TNS1: variants seen among roughly 807,000 people sequenced by gnomAD.
TNS1 encodes the protein tensin 1.
Under a neutral mutation model 168.6 loss-of-function variants are expected in TNS1, and 62 were observed. The observed-to-expected ratio is 0.37, with a 90% CI of 0.30 to 0.45. The LOEUF (loss-of-function observed/expected upper bound fraction) is 0.45, where lower values mean the gene tolerates loss of function less well. Ranked by LOEUF, TNS1 falls within the 20% of genes least tolerant of loss-of-function variation. The pLI is 1.00. For missense variants in TNS1, 2,240 were observed against 2,339.4 expected (o/e 0.96, Z 0.88); for synonymous variants, 934 against 933.2 (o/e 1.00, Z -0.02).
chr2:217,821,304 C>A (rs896517482), intron 23 of TNS1, among the ~76,000 whole-genome samples: 29 of 152,172 alleles, frequency 1.9e-4, no homozygotes, highest in Admixed American at 1.5e-3. Context: ...GGTTCCTCTT[C>A]TGAAAAGTGG....
rs1441342196 is a variant in TNS1, at chr2:217,813,651, T to A, written c.4861+34A>T. 1 of 1,581,442 alleles carries A rather than the reference T, an allele frequency of 6.3e-7. No individual in the cohort carries two copies. Among genetic ancestry groups the A allele is most frequent in the Admixed American group, 1.8e-5 (1 of 56,112 alleles). The stretch of plus-strand genomic sequence containing the variant: ...AGGTTTAGCGACTGTAAAGCTCACC[T>A]GGTCCTGAGCCCCATTCTGGGAGAT... On this transcript the variant is annotated intron_variant, in intron 26 of 32. Transcript: ENST00000682258. The surrounding 1 kb of genome is among the most constrained non-coding windows in gnomAD (Gnocchi z 4.0).
At chr2:217,839,866 G>A (rs1199384286) in intron 19 of TNS1, among the ~76,000 whole-genome samples, 1 of 152,238 alleles carries the variant, frequency 6.6e-6, no homozygotes, top group African/African-American at 2.4e-5. Flanking sequence ...AGGGGATCCG[G>A]GAGGCCACCT....
chr2:217,849,102 G>C lies in TNS1; in HGVS notation c.1430-15C>G. The C allele has an allele frequency of 6.2e-7, 1 of 1,600,336 alleles. No individual in the cohort carries two copies. Among genetic ancestry groups the C allele is most frequent in the Non-Finnish European group, 8.5e-7 (1 of 1,171,290 alleles). Reference sequence around the variant, plus strand: ...TCCCACCACCTCTGCAAGGGACAGAGCCGGAGGGGAGACAACAGACAACAG... The same window carrying C: ...TCCCACCACCTCTGCAAGGGACAGACCCGGAGGGGAGACAACAGACAACAG... On this transcript the variant is annotated splice_polypyrimidine_tract_variant and intron_variant, in intron 18 of 32. Coordinates refer to ENST00000682258, the MANE Select transcript of TNS1 (RefSeq NM_001387777.1).
intron 23 of TNS1, 145 bp from the exon 24 acceptor site, chr2:217,818,904 C>T (rs765180061): frequency 1.8e-5 from 12 of 672,374 alleles, no homozygotes; most frequent in East Asian, 8.2e-5. Context: ...GGGTTTTATA[C>T]GTTACCTTAC....
chr2:217,984,342 C>A (rs993774200), intron 2 of TNS1, among the ~76,000 whole-genome samples: 4 of 152,152 alleles, frequency 2.6e-5, no homozygotes, highest in African/African-American at 9.7e-5. Context: ...AACCTGCAGG[C>A]TGCAGGCCAC....
At chr2:218,010,543 C>G (rs1574480400), upstream of TNS1, 3 of 179,982 alleles carry the variant, frequency 1.7e-5, no homozygotes, top group East Asian at 4.0e-4. Context: ...TTCCCGGGCG[C>G]GCTGCGGGGC....
At chr2:217,945,911 A>G (rs1957093487) in intron 3 of TNS1, among the ~76,000 whole-genome samples, 1 of 152,156 alleles carries the variant, frequency 6.6e-6, no homozygotes, top group South Asian at 2.1e-4. Context: ...CTAGAGGTGG[A>G]TGTGGGGATT....
At chr2:217,809,352 GATGGATGGATGGATGGATGGATGC>G (rs1940099206) in intron 30 of TNS1, among the ~76,000 whole-genome samples, 8 of 94,294 alleles carry the variant, frequency 8.5e-5, no homozygotes, top group South Asian at 4.2e-4. Flanking sequence ...TGGATGCATG[GATGGATGGATGGATGGATGGATGC>G]ATGGATGGAT....
rs1951167878 is a variant in TNS1 at position 217,886,035 on chromosome 2, A to G, written c.1040+9T>C. The G allele has an allele frequency of 3.1e-6, 5 of 1,613,896 alleles. No individual in the cohort carries two copies. The highest frequency in any genetic ancestry group is 2.2e-5 in the South Asian group (2 of 91,064). On this transcript the variant is annotated intron_variant, in intron 14 of 32. Coordinates refer to ENST00000682258, the MANE Select transcript of TNS1 (RefSeq NM_001387777.1). Reference sequence around the variant, plus strand: ...CTTCTCTGGCCTCTCACGCCCATGTAATACTTACTAGATGCCAGATGTGTA... The same window carrying G: ...CTTCTCTGGCCTCTCACGCCCATGTGATACTTACTAGATGCCAGATGTGTA...
chr2:217,821,399 G>A (rs1333082421), intron 23 of TNS1, among the ~76,000 whole-genome samples: 1 of 152,166 alleles, frequency 6.6e-6, no homozygotes, highest in Non-Finnish European at 1.5e-5. Context: ...AGGTACCTAG[G>A]ATGAGCCCAC....
chr2:217,941,471 G>A (rs558241955), intron 3 of TNS1, among the ~76,000 whole-genome samples: 33 of 152,356 alleles, frequency 2.2e-4, no homozygotes, highest in Non-Finnish European at 4.6e-4. Flanking sequence ...CCACGGGTGT[G>A]AGGGAGGGGC....
chr2:217,984,353 A>T (rs759477982), intron 2 of TNS1, among the ~76,000 whole-genome samples: 1 of 152,080 alleles, frequency 6.6e-6, no homozygotes, highest in Non-Finnish European at 1.5e-5. Context: ...TGCAGGCCAC[A>T]TGTGGCTCAG....
chr2:217,929,305 C>G (rs1956192887), intron 3 of TNS1, among the ~76,000 whole-genome samples: 1 of 152,204 alleles, frequency 6.6e-6, no homozygotes, highest in Non-Finnish European at 1.5e-5. Context: ...CACCCACACC[C>G]CTAATCAGGG....
intron 3 of TNS1, among the ~76,000 whole-genome samples, chr2:217,942,971 T>C (rs890560271): frequency 6.6e-6 from 1 of 152,088 alleles, no homozygotes; most frequent in African/African-American, 2.4e-5. Flanking sequence ...CTGGCCCAAG[T>C]CCTGGATTGG....
chr2:217,882,817 A>G (rs1950806666), intron 16 of TNS1, among the ~76,000 whole-genome samples: 1 of 151,906 alleles, frequency 6.6e-6, no homozygotes, highest in South Asian at 2.1e-4. Flanking sequence ...TATTTTTGAG[A>G]CAGAATCTTG....
chr2:218,019,392 T>C (rs1958787971), intron 1 of TNS1, among the ~76,000 whole-genome samples: 1 of 152,256 alleles, frequency 6.6e-6, no homozygotes, highest in Non-Finnish European at 1.5e-5. Context: ...ATTCTTAGTC[T>C]ATGTCACCTT....
intron 19 of TNS1, chr2:217,841,939 A>G (rs2125378314): frequency 1.6e-6 from 1 of 624,610 alleles, no homozygotes; most frequent in East Asian, 2.8e-5. Context: ...AGGACCTGCT[A>G]TGTTATCCTT....
intron 3 of TNS1, among the ~76,000 whole-genome samples, chr2:217,968,996 G>A (rs2126023419): frequency 6.6e-6 from 1 of 152,276 alleles, no homozygotes; most frequent in African/African-American, 2.4e-5. Flanking sequence ...ACCACTCCCA[G>A]CCTCAAAATT....
chr2:217,829,749 G>C, intron 22 of TNS1: 1 of 1,470,946 alleles, frequency 6.8e-7, no homozygotes, highest in Non-Finnish European at 9.5e-7. Flanking sequence ...TCCCAGTGAG[G>C]AAAGAGAGCT....
Sources: allele counts gnomAD v4.1 joint callset (sites outside exome capture counted in the v4.1 genomes callset), GRCh38; gene constraint gnomAD v4.1.1; non-coding constraint Gnocchi (gnomAD v3.1); transcripts MANE v1.5; gene names NCBI Gene and HGNC (gene_info 2026-07-23, HGNC 2026-07-21).